KANK1: variants seen among roughly 807,000 people sequenced by gnomAD.
The protein encoded by KANK1 is KN motif and ankyrin repeat domains 1, also known as KN motif and ankyrin repeat domain-containing protein 1.
Under a neutral mutation model 106.2 loss-of-function variants are expected in KANK1, and 109 were observed. The ratio of observed to expected loss-of-function variants is 1.03; its 90% CI spans 0.88 to 1.20. KANK1 has a LOEUF of 1.20. Among genes scored for constraint, KANK1 ranks in the 50% most tolerant of loss-of-function variants. The pLI is 0.00. For missense variants in KANK1, 2,399 were observed against 1,710.7 expected (o/e 1.40, Z -7.10); for synonymous variants, 873 against 652.2 (o/e 1.34, Z -5.16).
At chr9:732,325 C>G (rs1832529232) in intron 5 of KANK1, 53 bp from the exon 6 acceptor site, 2 of 1,558,316 alleles carry the variant, frequency 1.3e-6, no homozygotes, top group African/African-American at 1.4e-5. Context: ...ATTTCTATCA[C>G]TGGGTCTTCG....
upstream of KANK1, among the ~76,000 whole-genome samples, chr9:501,636 A>ACACC (rs1434130060): frequency 6.6e-6 from 1 of 150,798 alleles, no homozygotes; most frequent in African/African-American, 2.5e-5. Context: ...ACACACACAC[A>ACACC]CACACCCCAA....
chr9:654,812 TGTGAGAGAGAGAGAGAGAGAGAGA>T (rs1841740830), intron 1 of KANK1, among the ~76,000 whole-genome samples: 1 of 134,760 alleles, frequency 7.4e-6, no homozygotes, highest in Admixed American at 7.2e-5. Context: ...TGTGTGTGTG[TGTGAGAGAGAGAGAGAGAGAGAGA>T]GAGAGAGAGA....
At chr9:614,902 A>G (rs1831429886) in intron 1 of KANK1, among the ~76,000 whole-genome samples, 1 of 152,224 alleles carries the variant, frequency 6.6e-6, no homozygotes, top group African/African-American at 2.4e-5. Context: ...CCTACATACA[A>G]TTCTTAATAT....
At chr9:487,142 G>C (rs1470166181) in intron 3 of KANK1, among the ~76,000 whole-genome samples, 1 of 152,176 alleles carries the variant, frequency 6.6e-6, no homozygotes, top group Non-Finnish European at 1.5e-5. Flanking sequence ...TGCAGGCACG[G>C]AGAACAGCTT....
At chr9:656,656 G>A (rs912169) in intron 1 of KANK1, among the ~76,000 whole-genome samples, 125,382 of 152,106 alleles carry the variant, frequency 0.82, 51,831 homozygotes, top group East Asian at 0.97. Context: ...CCTGTCTAGC[G>A]TGGGTAGGTG....
chr9:497,524 GAGA>G (rs768936215), intron 3 of KANK1, among the ~76,000 whole-genome samples: 4 of 148,328 alleles, frequency 2.7e-5, no homozygotes, highest in African/African-American at 5.3e-5. Context: ...TAAAATATTT[GAGA>G]AGGACAAAAA....
chr9:549,916 C>G (rs552925916), intron 1 of KANK1, among the ~76,000 whole-genome samples: 2 of 151,946 alleles, frequency 1.3e-5, no homozygotes, highest in South Asian at 4.2e-4. Flanking sequence ...GGGGGTGGCA[C>G]GCACAAAGTC....
At chr9:558,391 T>G (rs1386456860) in intron 1 of KANK1, among the ~76,000 whole-genome samples, 2 of 152,222 alleles carry the variant, frequency 1.3e-5, no homozygotes, top group Admixed American at 1.3e-4. Flanking sequence ...AATACAGAGT[T>G]AGATTCCTGT....
intron 2 of KANK1, among the ~76,000 whole-genome samples, chr9:710,180 G>T (rs138263513): frequency 1.3e-5 from 2 of 152,184 alleles, no homozygotes; most frequent in African/African-American, 4.8e-5. Flanking sequence ...TAACAAGCCT[G>T]CACATGTACT....
At chr9:629,513 T>C (rs1835165881) in intron 1 of KANK1, among the ~76,000 whole-genome samples, 1 of 152,224 alleles carries the variant, frequency 6.6e-6, no homozygotes, top group African/African-American at 2.4e-5. Flanking sequence ...GGCAATGACA[T>C]TTTATGATTC....
At chr9:543,204 A>T (rs1296921311) in intron 1 of KANK1, among the ~76,000 whole-genome samples, 2 of 152,164 alleles carry the variant, frequency 1.3e-5, no homozygotes. Context: ...CTTAAAGGTA[A>T]TAAGTTAACT....
chr9:671,031 A>G (rs62530118), intron 1 of KANK1, among the ~76,000 whole-genome samples: 17,480 of 138,430 alleles, frequency 0.13, 1,395 homozygotes, highest in Admixed American at 0.18. Flanking sequence ...GTTCTGAGAG[A>G]TTGCTGGTGA....
At chr9:736,697 C>CA (rs35527047) in intron 7 of KANK1, among the ~76,000 whole-genome samples, 4,177 of 142,280 alleles carry the variant, frequency 0.029, 266 homozygotes, top group East Asian at 0.22. Context: ...GACACCCTCT[C>CA]AAAAAAAAAA....
intron 7 of KANK1, 111 bp from the exon 8 acceptor site, chr9:738,174 C>G (rs955172468): frequency 2.3e-6 from 2 of 856,150 alleles, no homozygotes; most frequent in Non-Finnish European, 3.6e-6. Flanking sequence ...AGAGCAGATT[C>G]TAACTGCATA....
intron 1 of KANK1, among the ~76,000 whole-genome samples, chr9:609,733 T>C (rs1481394180): frequency 6.6e-6 from 1 of 152,216 alleles, no homozygotes; most frequent in Non-Finnish European, 1.5e-5. Flanking sequence ...TTATTCCCTT[T>C]AAAGTTAATT....
chr9:680,844 C>T (rs1280875100), intron 2 of KANK1: 1 of 152,398 alleles, frequency 6.6e-6, no homozygotes, highest in African/African-American at 2.4e-5. Flanking sequence ...TCAATCTTCC[C>T]TCGTAGTGTT....
rs929097089 is a variant in KANK1, at chr9:508,140, T to G, written c.-84+3386T>G. Among the ~76,000 whole-genome samples the G allele has an allele frequency of 2.3e-4, 30 of 133,054 alleles. 2 individuals carry two copies. Among genetic ancestry groups the G allele is most frequent in the South Asian group, 1.3e-3 (5 of 3,916 alleles). The allele number at this position is 133,054 out of a possible 152,430, so 87.3% of individuals were successfully genotyped here. A position where few individuals can be genotyped will look rare whatever the true frequency, so the allele number is the denominator to read the frequency against. On this transcript the variant is annotated intron_variant, in intron 1 of 11. Coordinates refer to ENST00000382297, the MANE Select transcript of KANK1 (RefSeq NM_015158.5). Reference sequence around the variant, plus strand: ...CTCAGCCTTTTTTTTTTTTTTTTTTTTTTTTTTTTTTTTTTGAGATGGAGT... The same window carrying G: ...CTCAGCCTTTTTTTTTTTTTTTTTTGTTTTTTTTTTTTTTTGAGATGGAGT...
intron 1 of KANK1, among the ~76,000 whole-genome samples, chr9:628,238 CAG>C (rs749736328): frequency 2.0e-5 from 3 of 152,158 alleles, no homozygotes; most frequent in Non-Finnish European, 4.4e-5. Flanking sequence ...CTCCTGGCTG[CAG>C]AGTCTTGATT....
intron 1 of KANK1, among the ~76,000 whole-genome samples, chr9:639,121 G>A (rs1330439713): frequency 6.6e-6 from 1 of 152,048 alleles, no homozygotes; most frequent in African/African-American, 2.4e-5. Context: ...TCTGATTGCT[G>A]AACACTTTGT....
Sources: gnomAD v4.1 joint callset for allele counts (sites outside exome capture counted in the v4.1 genomes callset) on GRCh38, gnomAD v4.1.1 for gene constraint, MANE v1.5 for transcripts, NCBI Gene and HGNC (gene_info 2026-07-23, HGNC 2026-07-21) for gene names.